The following NME5 variants were observed in gnomAD, a reference collection of about 807,000 sequenced individuals.
The protein encoded by NME5 is NME/NM23 family member 5, also known as nucleoside diphosphate kinase 5.
A neutral mutation model predicts 21.6 loss-of-function variants in NME5; 18 were observed. That is an observed-to-expected ratio of 0.83 (90% confidence interval 0.58 to 1.24). The LOEUF (loss-of-function observed/expected upper bound fraction) is 1.24, where lower values mean the gene tolerates loss of function less well. Ranked by LOEUF, NME5 falls within the 50% of genes most tolerant of loss-of-function variation. The pLI is 0.00. For missense variants in NME5, 223 were observed against 255.4 expected (o/e 0.87, Z 0.86); for synonymous variants, 70 against 80.6 (o/e 0.87, Z 0.71).
At chr5:138,118,226 C>T (rs910675679) in intron 5 of NME5, among the ~76,000 whole-genome samples, 26 of 142,182 alleles carry the variant, frequency 1.8e-4, no homozygotes, top group South Asian at 6.8e-4. Flanking sequence ...CCTGGGTTCA[C>T]GCCATTCTCC....
chr5:138,121,323 G>C (rs948668202), intron 4 of NME5, among the ~76,000 whole-genome samples: 3 of 152,034 alleles, frequency 2.0e-5, no homozygotes, highest in Non-Finnish European at 4.4e-5. Context: ...CAGCTACTCA[G>C]GAGGCTAAGG....
intron 4 of NME5, 68 bp from the exon 5 acceptor site, chr5:138,119,004 G>A: frequency 1.1e-6 from 1 of 925,178 alleles, no homozygotes; most frequent in African/African-American, 1.7e-5. Flanking sequence ...CATTAAAAAG[G>A]TTCTTTTTAA....
At chr5:138,128,188 C>T (rs528836227) in intron 4 of NME5, among the ~76,000 whole-genome samples, 15 of 152,068 alleles carry the variant, frequency 9.9e-5, no homozygotes, top group African/African-American at 3.4e-4. Context: ...TGCACTTCAG[C>T]GTCGGCGACA....
chr5:138,136,745 C>T (rs1049902055), intron 2 of NME5, among the ~76,000 whole-genome samples: 7 of 151,976 alleles, frequency 4.6e-5, no homozygotes, highest in Non-Finnish European at 1.0e-4. Context: ...CATGTTCAAG[C>T]GATTCTCCTG....
chr5:138,121,442 A>C (rs1183149628), intron 4 of NME5, among the ~76,000 whole-genome samples: 1 of 152,040 alleles, frequency 6.6e-6, no homozygotes, highest in Non-Finnish European at 1.5e-5. Flanking sequence ...CCAAAATAGA[A>C]TGGTTGTATG....
chr5:138,116,745 A>T (rs1751165598), intron 5 of NME5: 1 of 153,756 alleles, frequency 6.5e-6, no homozygotes, highest in Non-Finnish European at 1.5e-5. Context: ...TGACAATGGT[A>T]CCAAGCCCAT....
chr5:138,119,969 C>A (rs1219123420), intron 4 of NME5, among the ~76,000 whole-genome samples: 3 of 150,684 alleles, frequency 2.0e-5, no homozygotes, highest in Non-Finnish European at 2.9e-5. Flanking sequence ...CAGGGTCTTG[C>A]TCCGTTGCCC....
chr5:138,128,906 T>A (rs1017641885), intron 3 of NME5, among the ~76,000 whole-genome samples: 1 of 152,204 alleles, frequency 6.6e-6, no homozygotes, highest in African/African-American at 2.4e-5. Context: ...GCAATAATGC[T>A]GAAAATTTGA....
intron 2 of NME5, among the ~76,000 whole-genome samples, chr5:138,135,057 G>A (rs1439898665): frequency 6.8e-6 from 1 of 147,752 alleles, no homozygotes; most frequent in African/African-American, 2.5e-5. Flanking sequence ...AGTGGCTCAC[G>A]CCTGTAATCC....
intron 4 of NME5, among the ~76,000 whole-genome samples, chr5:138,123,292 CATTATT>C (rs1236964374): frequency 6.6e-6 from 1 of 152,118 alleles, no homozygotes; most frequent in African/African-American, 2.4e-5. Flanking sequence ...TTCAACAACA[CATTATT>C]ATTAACTATA....
chr5:138,127,491 T>G (rs1183239834), intron 4 of NME5: 1 of 977,802 alleles, frequency 1.0e-6, no homozygotes, highest in East Asian at 1.1e-4. Context: ...TGGAAAATAC[T>G]GAGGAACAGA....
Position 138,138,947 on chromosome 5 carries a change from T to C in NME5, c.-5-162A>G, listed in dbSNP as rs1751795705. 6.2e-6 allele frequency: 4 copies of C among 646,190 alleles called. No homozygotes were observed. The Admixed American group carries it at 9.0e-5, about 15-fold the overall frequency. 40.0% of individuals were successfully genotyped at this position (646,190 alleles called of 1,614,324 possible). Reference sequence around the variant, plus strand: ...GAAGGTAGAAACTGCCATGTTTTTCTATATACAGGGTCTCAATAATAGGAT... The same window carrying C: ...GAAGGTAGAAACTGCCATGTTTTTCCATATACAGGGTCTCAATAATAGGAT... On this transcript the variant is annotated intron_variant, in intron 1 of 5. Transcript: ENST00000265191.
At chr5:138,132,463 C>T (rs926302879) in intron 2 of NME5, among the ~76,000 whole-genome samples, 3 of 152,116 alleles carry the variant, frequency 2.0e-5, no homozygotes, top group African/African-American at 4.8e-5. Flanking sequence ...ATCAAAGAAC[C>T]TCTGCCTGCA....
chr5:138,128,911 A>T (rs1340304503), intron 3 of NME5, among the ~76,000 whole-genome samples: 2 of 152,200 alleles, frequency 1.3e-5, no homozygotes, highest in African/African-American at 4.8e-5. Flanking sequence ...AATGCTGAAA[A>T]TTTGAATTTC....
At chr5:138,126,390 G>A (rs534051668) in intron 4 of NME5, among the ~76,000 whole-genome samples, 1 of 151,320 alleles carries the variant, frequency 6.6e-6, no homozygotes, top group South Asian at 2.1e-4. Flanking sequence ...GCACACCTGG[G>A]GTTCCACCTA....
chr5:138,130,106 G>A (rs937594938), intron 2 of NME5, among the ~76,000 whole-genome samples: 1 of 152,184 alleles, frequency 6.6e-6, no homozygotes, highest in Non-Finnish European at 1.5e-5. Flanking sequence ...TATTTTGGGA[G>A]CTGGTCTCAT....
At chr5:138,125,684 G>A (rs901830704) in intron 4 of NME5, among the ~76,000 whole-genome samples, 3 of 152,006 alleles carry the variant, frequency 2.0e-5, no homozygotes, top group Non-Finnish European at 4.4e-5. Flanking sequence ...GTACAATCTC[G>A]GCTCACTGTA....
At chr5:138,139,283 G>C (rs936789216) in intron 1 of NME5, 88 bp downstream of exon 1, 2 of 803,860 alleles carry the variant, frequency 2.5e-6, no homozygotes, top group Non-Finnish European at 3.0e-6. Context: ...ATAGGGTCAG[G>C]CTAATTGAAA....
intron 5 of NME5, among the ~76,000 whole-genome samples, chr5:138,118,555 G>A (rs1054280691): frequency 1.3e-5 from 2 of 151,156 alleles, no homozygotes; most frequent in Non-Finnish European, 2.9e-5. Context: ...GCACAATCTC[G>A]GCTCACTGCA....
Sources: allele counts gnomAD v4.1 joint callset (sites outside exome capture counted in the v4.1 genomes callset), GRCh38; gene constraint gnomAD v4.1.1; transcripts MANE v1.5; gene names NCBI Gene and HGNC (gene_info 2026-07-23, HGNC 2026-07-21).